SLC14A2: variants seen among roughly 807,000 people sequenced by gnomAD.
SLC14A2 encodes the protein urea transporter 2.
A neutral mutation model predicts 104.6 loss-of-function variants in SLC14A2; 91 were observed. The observed-to-expected ratio is 0.87, with a 90% CI of 0.73 to 1.04. The LOEUF (loss-of-function observed/expected upper bound fraction) is 1.04. Among genes scored for constraint, SLC14A2 ranks in the 50% least tolerant of loss-of-function variants. The pLI is 0.00. For synonymous variants in SLC14A2, 476 were observed against 466.4 expected (o/e 1.02, Z -0.27); for missense variants, 1,189 against 1,156.0 (o/e 1.03, Z -0.41).
chr18:45,309,552 CCT>C (rs35307664), intron 1 of SLC14A2, among the ~76,000 whole-genome samples: 14,019 of 152,034 alleles, frequency 0.092, 711 homozygotes, highest in South Asian at 0.11. Flanking sequence ...AAAATCAACC[CCT>C]GACTTTTTTA....
intron 2 of SLC14A2, among the ~76,000 whole-genome samples, chr18:45,604,582 C>T (rs961821306): frequency 1.3e-5 from 2 of 152,214 alleles, no homozygotes; most frequent in Admixed American, 1.3e-4. Context: ...TCTAGTGAAA[C>T]TCTGCACAGT....
chr18:45,452,579 A>T (rs535967449), intron 1 of SLC14A2, among the ~76,000 whole-genome samples: 97 of 152,358 alleles, frequency 6.4e-4, no homozygotes, highest in African/African-American at 2.2e-3. Flanking sequence ...AAAAAGTCTG[A>T]CATTAATTTT....
chr18:45,596,389 T>A (rs2044718963), intron 2 of SLC14A2, among the ~76,000 whole-genome samples: 1 of 152,326 alleles, frequency 6.6e-6, no homozygotes, highest in Non-Finnish European at 1.5e-5. Context: ...TTTCAAACTC[T>A]TATTGGGGAA....
At chr18:45,370,576 A>T (rs1252743859) in intron 1 of SLC14A2, among the ~76,000 whole-genome samples, 3 of 152,240 alleles carry the variant, frequency 2.0e-5, no homozygotes, top group Non-Finnish European at 4.4e-5. Flanking sequence ...CCAGATACGG[A>T]CATGACAGGG....
At chr18:45,460,001 T>G (rs1373230637) in intron 1 of SLC14A2, among the ~76,000 whole-genome samples, 1 of 152,156 alleles carries the variant, frequency 6.6e-6, no homozygotes, top group African/African-American at 2.4e-5. Flanking sequence ...CCCATCCAGG[T>G]CCAATCTTTT....
chr18:45,627,889 A>T (rs1255659750), intron 4 of SLC14A2, among the ~76,000 whole-genome samples: 1 of 151,756 alleles, frequency 6.6e-6, no homozygotes, highest in East Asian at 1.9e-4. Flanking sequence ...GCATGCCTGT[A>T]ATCCCAGCTA....
chr18:45,499,494 T>C (rs2043156649), intron 2 of SLC14A2, among the ~76,000 whole-genome samples: 1 of 152,256 alleles, frequency 6.6e-6, no homozygotes, highest in Non-Finnish European at 1.5e-5. Context: ...TGTATGATCT[T>C]GGGCAATTCA....
intron 2 of SLC14A2, among the ~76,000 whole-genome samples, chr18:45,591,132 T>C (rs1346592742): frequency 6.6e-6 from 1 of 152,108 alleles, no homozygotes; most frequent in African/African-American, 2.4e-5. Flanking sequence ...ATTGGAGGTG[T>C]ATTTTTTTAT....
chr18:45,518,829 G>C (rs2043477488), intron 2 of SLC14A2, among the ~76,000 whole-genome samples: 1 of 152,202 alleles, frequency 6.6e-6, no homozygotes, highest in Non-Finnish European at 1.5e-5. Context: ...GGCCACCTTA[G>C]CTCCTTCTCC....
At chr18:45,574,238 T>G (rs560298801) in intron 2 of SLC14A2, among the ~76,000 whole-genome samples, 3 of 152,074 alleles carry the variant, frequency 2.0e-5, no homozygotes, top group Middle Eastern at 3.2e-3. Flanking sequence ...GTGTGTGTAA[T>G]GTAGGGGAGT....
At chr18:45,553,666 T>C (rs1332434171) in intron 2 of SLC14A2, among the ~76,000 whole-genome samples, 4 of 152,164 alleles carry the variant, frequency 2.6e-5, no homozygotes, top group Non-Finnish European at 5.9e-5. Flanking sequence ...CTCCCAAATA[T>C]TATGTATGTT....
chr18:45,340,156 T>C (rs1192296477), intron 1 of SLC14A2, among the ~76,000 whole-genome samples: 1 of 152,246 alleles, frequency 6.6e-6, no homozygotes, highest in Non-Finnish European at 1.5e-5. Context: ...CATGGAACCC[T>C]ACCTTTCTCA....
At chr18:45,500,742 C>G (rs1224137692) in intron 2 of SLC14A2, among the ~76,000 whole-genome samples, 1 of 152,088 alleles carries the variant, frequency 6.6e-6, no homozygotes, top group African/African-American at 2.4e-5. Context: ...AGCCAAGACT[C>G]AGAATATAAA....
At chr18:45,506,587 G>A (rs897279565) in intron 2 of SLC14A2, among the ~76,000 whole-genome samples, 3 of 152,132 alleles carry the variant, frequency 2.0e-5, no homozygotes, top group Non-Finnish European at 4.4e-5. Context: ...GAAACAAAGG[G>A]CATGTGAAGA....
chr18:45,184,368 C>T, the SLC14A2 span, among the ~76,000 whole-genome samples: 1 of 152,196 alleles, frequency 6.6e-6, no homozygotes, highest in Non-Finnish European at 1.5e-5. Context: ...AATACTCTTG[C>T]TCTGAAACAT....
exon 2 of SLC14A2, chr18:45,483,293 AC>A (rs1417534079): frequency 3.3e-5 from 5 of 152,208 alleles, no homozygotes; most frequent in Non-Finnish European, 5.9e-5. Context: ...CCTTTATAGA[AC>A]CACTGACAAC....
chr18:45,193,207 T>A, the SLC14A2 span, among the ~76,000 whole-genome samples: 1 of 152,156 alleles, frequency 6.6e-6, no homozygotes, highest in Non-Finnish European at 1.5e-5. Flanking sequence ...CTCTTAAGAG[T>A]CTCTTTCAAA....
chr18:45,581,005 C>G (rs2044483008), intron 2 of SLC14A2, among the ~76,000 whole-genome samples: 2 of 152,114 alleles, frequency 1.3e-5, no homozygotes, highest in African/African-American at 4.8e-5. Context: ...GGAAGAAAGG[C>G]CTTGAGAGGA....
intron 2 of SLC14A2, among the ~76,000 whole-genome samples, chr18:45,511,326 C>G (rs1431926013): frequency 6.6e-6 from 1 of 152,158 alleles, no homozygotes; most frequent in Non-Finnish European, 1.5e-5. Context: ...CAGTGGATCT[C>G]TGAAATTCTA....
Sources: gnomAD v4.1 joint callset for allele counts (sites outside exome capture counted in the v4.1 genomes callset) on GRCh38, gnomAD v4.1.1 for gene constraint, MANE v1.5 for transcripts, NCBI Gene and HGNC (gene_info 2026-07-23, HGNC 2026-07-21) for gene names.